The following PLCL1 variants were observed in gnomAD, a reference collection of about 807,000 sequenced individuals.
PLCL1 encodes inactive phospholipase C-like protein 1.
A neutral mutation model predicts 84.4 loss-of-function variants in PLCL1; 41 were observed. That is an observed-to-expected ratio of 0.49 (90% CI 0.38 to 0.63). The LOEUF is 0.63. Among genes scored for constraint, PLCL1 ranks in the 30% least tolerant of loss-of-function variants. The probability of loss-of-function intolerance (pLI) is 0.00; values close to 1 mark genes in which losing one functional copy is unlikely to be tolerated. For synonymous variants in PLCL1, 490 were observed against 488.3 expected (o/e 1.00, Z -0.05); for missense variants, 1,206 against 1,367.8 (o/e 0.88, Z 1.87).
chr2:197,875,529 G>A (rs970374171), intron 1 of PLCL1, among the ~76,000 whole-genome samples: 7 of 151,914 alleles, frequency 4.6e-5, no homozygotes, highest in East Asian at 3.9e-4. Flanking sequence ...TAAAAAGACC[G>A]CATTGAGCTT....
intron 1 of PLCL1, among the ~76,000 whole-genome samples, chr2:197,813,058 CA>C (rs1472958423): frequency 3.3e-5 from 5 of 152,134 alleles, no homozygotes; most frequent in Non-Finnish European, 7.4e-5. Context: ...TAGGGCTAGA[CA>C]ATAAGGAGTC....
At chr2:197,816,602 G>A (rs1690694859) in intron 1 of PLCL1, among the ~76,000 whole-genome samples, 1 of 152,046 alleles carries the variant, frequency 6.6e-6, no homozygotes, top group Non-Finnish European at 1.5e-5. Flanking sequence ...GCTAAGGATG[G>A]ACCATTACTT....
At chr2:198,054,593 G>A (rs967457699) in intron 1 of PLCL1, among the ~76,000 whole-genome samples, 2 of 152,142 alleles carry the variant, frequency 1.3e-5, no homozygotes, top group African/African-American at 2.4e-5. Context: ...TTGCCAGTTG[G>A]GCAGCAGCTC....
chr2:197,968,832 T>G (rs1030830680), intron 1 of PLCL1, among the ~76,000 whole-genome samples: 1 of 152,186 alleles, frequency 6.6e-6, no homozygotes, highest in Non-Finnish European at 1.5e-5. Context: ...TTACCCCTCT[T>G]CTGAGATCTT....
chr2:198,041,111 C>G (rs1691651799), intron 1 of PLCL1, among the ~76,000 whole-genome samples: 1 of 152,182 alleles, frequency 6.6e-6, no homozygotes, highest in South Asian at 2.1e-4. Context: ...TCATATAGAT[C>G]AGCATCTCTC....
intron 3 of PLCL1, 94 bp downstream of exon 3, chr2:198,089,155 AG>A: frequency 1.2e-6 from 1 of 868,328 alleles, no homozygotes; most frequent in Non-Finnish European, 1.9e-6. Flanking sequence ...TGAATAACAC[AG>A]GGTGACTACC....
chr2:198,075,818 A>G (rs1692565379), intron 1 of PLCL1, among the ~76,000 whole-genome samples: 1 of 152,258 alleles, frequency 6.6e-6, no homozygotes, highest in African/African-American at 2.4e-5. Context: ...AAACATTCAT[A>G]CATTAAAATT....
rs6706633 is a variant in PLCL1, at chr2:198,061,596, G to A, written c.241-22162G>A. Among the ~76,000 whole-genome samples the A allele has an allele frequency of 5.3e-4, 50 of 94,072 alleles. 1 individual carries two copies. The highest frequency in any genetic ancestry group is 2.1e-3 in the East Asian group (8 of 3,872). 61.7% of individuals were successfully genotyped at this position (94,072 alleles called of 152,430 possible). On this transcript the variant is annotated intron_variant, in intron 1 of 5. Coordinates refer to ENST00000428675, the MANE Select transcript of PLCL1 (RefSeq NM_006226.4). Reference sequence around the variant, plus strand: ...ATCATTCCTCCATTGCAAATGTATCGTCATTATTATTATTATTATTTTGAG... The same window carrying A: ...ATCATTCCTCCATTGCAAATGTATCATCATTATTATTATTATTATTTTGAG...
chr2:197,912,011 A>G (rs1279291800), intron 1 of PLCL1, among the ~76,000 whole-genome samples: 1 of 152,184 alleles, frequency 6.6e-6, no homozygotes, highest in Admixed American at 6.5e-5. Context: ...CAGTCCCTTT[A>G]GACCTCCTTA....
At chr2:197,857,078 G>C (rs542424687) in intron 1 of PLCL1, among the ~76,000 whole-genome samples, 5 of 152,024 alleles carry the variant, frequency 3.3e-5, no homozygotes, top group Admixed American at 3.3e-4. Flanking sequence ...AAACCACTGT[G>C]GCACATGTTT....
chr2:197,988,021 A>G (rs1690253968), intron 1 of PLCL1, among the ~76,000 whole-genome samples: 1 of 152,144 alleles, frequency 6.6e-6, no homozygotes, highest in Non-Finnish European at 1.5e-5. Context: ...GTTAAAGAGA[A>G]ACTGAGGGAA....
chr2:197,970,352 G>A (rs1689836381), intron 1 of PLCL1, among the ~76,000 whole-genome samples: 1 of 152,278 alleles, frequency 6.6e-6, no homozygotes, highest in East Asian at 1.9e-4. Context: ...TGAGAGTGCA[G>A]TCCCCATGAC....
intron 1 of PLCL1, among the ~76,000 whole-genome samples, chr2:197,845,444 A>G (rs1687101246): frequency 6.6e-6 from 1 of 152,146 alleles, no homozygotes; most frequent in African/African-American, 2.4e-5. Context: ...TGAAGTGGTG[A>G]AAGCCATTGC....
intron 1 of PLCL1, among the ~76,000 whole-genome samples, chr2:197,951,774 T>A (rs1689394441): frequency 6.6e-6 from 1 of 152,170 alleles, no homozygotes; most frequent in Admixed American, 6.6e-5. Context: ...AGAAGACTGT[T>A]GTCATCAAAA....
At chr2:198,144,403 A>G (rs1404348456) in intron 5 of PLCL1, among the ~76,000 whole-genome samples, 1 of 152,224 alleles carries the variant, frequency 6.6e-6, no homozygotes, top group Non-Finnish European at 1.5e-5. Flanking sequence ...CATTATACAT[A>G]TCTCTGTAAA....
At chr2:197,824,079 T>A (rs1250466986) in intron 1 of PLCL1, among the ~76,000 whole-genome samples, 3 of 152,170 alleles carry the variant, frequency 2.0e-5, no homozygotes, top group East Asian at 3.9e-4. Flanking sequence ...TATATTTGTG[T>A]CCTTGGTTTT....
At chr2:197,875,003 A>G (rs1687709715) in intron 1 of PLCL1, among the ~76,000 whole-genome samples, 1 of 152,134 alleles carries the variant, frequency 6.6e-6, no homozygotes, top group African/African-American at 2.4e-5. Flanking sequence ...ACATATACTC[A>G]GGCCAGGAGC....
intron 1 of PLCL1, among the ~76,000 whole-genome samples, chr2:197,958,240 A>T (rs1252399665): frequency 6.6e-6 from 1 of 150,494 alleles, no homozygotes; most frequent in Non-Finnish European, 1.5e-5. Context: ...TTCCTTTTGT[A>T]CCAGGTCACC....
chr2:198,064,242 A>G (rs1184649318), intron 1 of PLCL1, among the ~76,000 whole-genome samples: 1 of 152,164 alleles, frequency 6.6e-6, no homozygotes, highest in South Asian at 2.1e-4. Context: ...TCCAAGTTCC[A>G]TTATAGTGCC....
Sources: allele counts gnomAD v4.1 joint callset (sites outside exome capture counted in the v4.1 genomes callset), GRCh38; gene constraint gnomAD v4.1.1; transcripts MANE v1.5; gene names NCBI Gene and HGNC (gene_info 2026-07-23, HGNC 2026-07-21).